The following NAV3 variants were observed in gnomAD, a reference collection of about 807,000 sequenced individuals.
NAV3 encodes pore membrane and/or filament interacting like protein 1.
A neutral mutation model predicts 244.7 loss-of-function variants in NAV3; 87 were observed. That is an observed-to-expected ratio of 0.36 (90% CI 0.30 to 0.42). The LOEUF (loss-of-function observed/expected upper bound fraction) is 0.42, where lower values mean the gene tolerates loss of function less well. NAV3 is among the 20% of genes least tolerant of loss of function. NAV3 has a pLI of 1.00. For synonymous variants in NAV3, 1,126 were observed against 1,042.2 expected (o/e 1.08, Z -1.55); for missense variants, 2,663 against 2,893.3 (o/e 0.92, Z 1.83).
At chr12:77,690,348 A>G (rs1874947190) in intron 2 of NAV3, among the ~76,000 whole-genome samples, 1 of 151,840 alleles carries the variant, frequency 6.6e-6, no homozygotes, top group Non-Finnish European at 1.5e-5. Flanking sequence ...GATTGTGTGA[A>G]TTTGGAACAT....
intron 1 of NAV3, among the ~76,000 whole-genome samples, chr12:77,845,958 G>C (rs918747140): frequency 3.3e-5 from 5 of 152,070 alleles, no homozygotes; most frequent in African/African-American, 7.2e-5. Context: ...TGGCTGATTA[G>C]TTTAATTCTT....
chr12:78,190,825 A>G (rs1958942565), intron 34 of NAV3, among the ~76,000 whole-genome samples: 1 of 152,156 alleles, frequency 6.6e-6, no homozygotes. Flanking sequence ...AGATATTAAA[A>G]AGGCATGAGG....
At position 77,746,092 on chromosome 12, in the gene NAV3, TAGC is replaced by T. The variant is rs553825624; in HGVS notation, c.72+173829_72+173831del. Among the ~76,000 whole-genome samples the T allele has an allele frequency of 6.0e-5, 9 of 151,154 alleles. No individual in the cohort carries two copies. In the East Asian group the frequency reaches 1.8e-3, roughly 30 times the overall value. ...GCTGATAATAATAACTGTATTAAAA[TAGC>T]AGTCGAAAGAAAAAAAAAATCTCTA... On this transcript the variant is annotated intron_variant, in intron 2 of 8. Transcript: ENST00000550042.
At chr12:78,199,576 TG>T in intron 37 of NAV3, 45 bp downstream of exon 37, 1 of 1,422,060 alleles carries the variant, frequency 7.0e-7, no homozygotes. Context: ...GAACTAACAG[TG>T]CTTGGTAAAG....
At chr12:78,008,328 T>C (rs1045190836) in intron 8 of NAV3, among the ~76,000 whole-genome samples, 1 of 152,214 alleles carries the variant, frequency 6.6e-6, no homozygotes, top group Non-Finnish European at 1.5e-5. Context: ...TTATGCATTT[T>C]AAAATATGCA....
chr12:77,957,696 G>A (rs1321264977), intron 3 of NAV3, among the ~76,000 whole-genome samples: 2 of 151,450 alleles, frequency 1.3e-5, no homozygotes, highest in African/African-American at 2.4e-5. Context: ...ACAGAGTCTT[G>A]CTCTGTCCCC....
rs1384264515 is a variant in NAV3, at chr12:77,841,072, T to C, written c.243+9368T>C. The stretch of plus-strand genomic sequence containing the variant: ...TGTTTTACTTTGGATTACTAGTTAC[T>C]GGGTCCAATACAGAAATTTGATATC... On this transcript the variant is annotated intron_variant, in intron 1 of 39. Transcript: ENST00000397909. Among the ~76,000 whole-genome samples, 4 of 152,366 alleles carry C rather than the reference T, an allele frequency of 2.6e-5. No homozygotes were observed. In the East Asian group the frequency reaches 5.8e-4, roughly 22 times the overall value.
chr12:77,691,356 C>CTATATATAT (rs1875019081), intron 2 of NAV3, among the ~76,000 whole-genome samples: 2 of 108,628 alleles, frequency 1.8e-5, no homozygotes, highest in African/African-American at 6.8e-5. Context: ...TATATATATA[C>CTATATATAT]ATATCCATTC....
At chr12:78,193,162 C>T (rs1404282557) in intron 34 of NAV3, among the ~76,000 whole-genome samples, 1 of 152,126 alleles carries the variant, frequency 6.6e-6, no homozygotes, top group Non-Finnish European at 1.5e-5. Context: ...AAACTCAAAC[C>T]ACAAATCATC....
At chr12:77,634,947 G>C (rs1427993979) in intron 2 of NAV3, among the ~76,000 whole-genome samples, 1 of 152,080 alleles carries the variant, frequency 6.6e-6, no homozygotes, top group Non-Finnish European at 1.5e-5. Context: ...AGGGTCTTGT[G>C]GCTGGGCCTG....
intron 2 of NAV3, among the ~76,000 whole-genome samples, chr12:77,695,783 C>G (rs1875268488): frequency 6.6e-6 from 1 of 152,044 alleles, no homozygotes; most frequent in Non-Finnish European, 1.5e-5. Context: ...AGAAATTATA[C>G]ACATACTCCC....
intron 2 of NAV3, among the ~76,000 whole-genome samples, chr12:77,572,560 AG>A (rs574856077): frequency 1.4e-3 from 219 of 152,308 alleles, no homozygotes; most frequent in African/African-American, 4.9e-3. Flanking sequence ...CAGTTCTCTG[AG>A]ACCCAGGGTG....
chr12:77,928,154 T>C lies in NAV3; in HGVS notation c.244-12165T>C, dbSNP rs552212528. On this transcript the variant is annotated intron_variant, in intron 1 of 39. Coordinates refer to ENST00000397909, the MANE Select transcript of NAV3 (RefSeq NM_001024383.2). The stretch of plus-strand genomic sequence containing the variant: ...GAGGGAATTGCTTGAATCAGGGAGG[T>C]AGAGGTTGTAGTGAGCCGAGACTGC... Among the ~76,000 whole-genome samples, 20 of 132,596 alleles carry C rather than the reference T, an allele frequency of 1.5e-4. No individual in the cohort carries two copies. In the South Asian group the frequency reaches 4.6e-3, roughly 30 times the overall value. 87.0% of individuals were successfully genotyped at this position (132,596 alleles called of 152,430 possible).
At chr12:77,844,979 A>C (rs1380125807) in intron 1 of NAV3, among the ~76,000 whole-genome samples, 2 of 152,328 alleles carry the variant, frequency 1.3e-5, no homozygotes, top group East Asian at 3.9e-4. Flanking sequence ...ATAGCATCAT[A>C]ATAACGTTAA....
At position 78,064,426 on chromosome 12, in the gene NAV3, T is replaced by TCTGTCTGTCTGCCTGCCTGC. The variant is rs66686266; in HGVS notation, c.2636+5314_2636+5315insTCTGTCTGCCTGCCTGCCTG. On this transcript the variant is annotated intron_variant, in intron 12 of 39. Coordinates refer to ENST00000397909, the MANE Select transcript of NAV3 (RefSeq NM_001024383.2). ...GTCTGTCTGTCTGTCTGTCTGTCTG[T>TCTGTCTGTCTGCCTGCCTGC]CTGCCTGCCTGCCTGCCTGCCTGCC... 2.1e-3 allele frequency among the ~76,000 whole-genome samples: 280 copies of TCTGTCTGTCTGCCTGCCTGC among 136,284 alleles called. 1 individual carries two copies. The highest frequency in any genetic ancestry group is 3.7e-3 in the Middle Eastern group (1 of 270). The allele number at this position is 136,284 out of a possible 152,430, so 89.4% of individuals were successfully genotyped here. A position where few individuals can be genotyped will look rare whatever the true frequency, so the allele number is the denominator to read the frequency against.
chr12:77,579,982 G>A lies in NAV3; in HGVS notation c.72+7716G>A, dbSNP rs576156492. 2.6e-5 allele frequency among the ~76,000 whole-genome samples: 4 copies of A among 152,176 alleles called. No homozygotes were observed. The East Asian group carries it at 7.7e-4, about 29-fold the overall frequency. ...ACAATAACTGGTAGCTATTGGAGGT[G>A]GGCTAAGGAGTTGGTTGTGTTCTGT... is the stretch of plus-strand genomic sequence containing the variant. On this transcript the variant is annotated intron_variant, in intron 2 of 8. Transcript: ENST00000550042.
chr12:77,715,139 C>A (rs1037136563), intron 2 of NAV3, among the ~76,000 whole-genome samples: 2 of 151,702 alleles, frequency 1.3e-5, no homozygotes, highest in African/African-American at 4.8e-5. Context: ...TCTTGGTAAT[C>A]CAGAAACTGT....
At chr12:78,180,085 G>A (rs749049186) in intron 29 of NAV3, among the ~76,000 whole-genome samples, 3 of 152,084 alleles carry the variant, frequency 2.0e-5, no homozygotes, top group South Asian at 2.1e-4. Flanking sequence ...CAAAAGTAAT[G>A]AGGAAACTAT....
intron 2 of NAV3, among the ~76,000 whole-genome samples, chr12:77,579,854 CTT>C (rs1227500402): frequency 6.6e-6 from 1 of 152,184 alleles, no homozygotes; most frequent in African/African-American, 2.4e-5. Flanking sequence ...GAATCCGACA[CTT>C]TGTCAAATTA....
Sources: allele counts gnomAD v4.1 joint callset (sites outside exome capture counted in the v4.1 genomes callset), GRCh38; gene constraint gnomAD v4.1.1; transcripts MANE v1.5; gene names NCBI Gene and HGNC (gene_info 2026-07-23, HGNC 2026-07-21).